The following PDE4B variants were observed in gnomAD, a reference collection of about 807,000 sequenced individuals.
The protein encoded by PDE4B is 3',5'-cyclic-AMP phosphodiesterase 4B.
A neutral mutation model predicts 82.2 loss-of-function variants in PDE4B; 20 were observed. That is an observed-to-expected ratio of 0.24 (90% CI 0.17 to 0.35). The LOEUF (loss-of-function observed/expected upper bound fraction) is 0.35, where lower values mean the gene tolerates loss of function less well. Among genes scored for constraint, PDE4B ranks in the 10% least tolerant of loss-of-function variants. The pLI is 1.00. For synonymous variants in PDE4B, 320 were observed against 318.9 expected (o/e 1.00, Z -0.04); for missense variants, 655 against 907.2 (o/e 0.72, Z 3.57).
At chr1:66,214,339 T>A (rs557104651) in intron 3 of PDE4B, among the ~76,000 whole-genome samples, 2 of 152,118 alleles carry the variant, frequency 1.3e-5, no homozygotes, top group African/African-American at 4.8e-5. Context: ...CCTTCTGGCT[T>A]TTTTTTCCCT....
chr1:66,364,020 G>A (rs552536914), intron 12 of PDE4B, among the ~76,000 whole-genome samples: 1 of 152,120 alleles, frequency 6.6e-6, no homozygotes, highest in African/African-American at 2.4e-5. Flanking sequence ...GAATTTCAGG[G>A]CAGGAATCAT....
chr1:66,132,548 C>G (rs775784153), intron 3 of PDE4B, among the ~76,000 whole-genome samples: 2 of 152,068 alleles, frequency 1.3e-5, no homozygotes, highest in Non-Finnish European at 2.9e-5. Context: ...GTTGTTGGTG[C>G]TATAAAGGCC....
At chr1:66,155,072 T>A (rs1646476027) in intron 3 of PDE4B, among the ~76,000 whole-genome samples, 1 of 152,070 alleles carries the variant, frequency 6.6e-6, no homozygotes, top group Non-Finnish European at 1.5e-5. Context: ...GAGTCTGCAG[T>A]GAGCTCTGAT....
chr1:65,912,504 A>G (rs1404014008), intron 1 of PDE4B, among the ~76,000 whole-genome samples: 1 of 145,356 alleles, frequency 6.9e-6, no homozygotes, highest in African/African-American at 2.6e-5. Context: ...TGTTTCTGCA[A>G]TGACTTCCAG....
intron 3 of PDE4B, among the ~76,000 whole-genome samples, chr1:66,148,200 G>C (rs541125283): frequency 3.9e-4 from 59 of 152,226 alleles, no homozygotes; most frequent in African/African-American, 1.4e-3. Context: ...AACCTGAGAG[G>C]CAGTGGTTGC....
intron 1 of PDE4B, among the ~76,000 whole-genome samples, chr1:65,848,708 G>A (rs1646295540): frequency 6.6e-6 from 1 of 152,062 alleles, no homozygotes; most frequent in African/African-American, 2.4e-5. Context: ...GTTGTTTCAT[G>A]TACTAATAGT....
chr1:66,346,101 A>T (rs1661375995), intron 8 of PDE4B, among the ~76,000 whole-genome samples: 1 of 152,162 alleles, frequency 6.6e-6, no homozygotes, highest in African/African-American at 2.4e-5. Context: ...TTATGAGCAC[A>T]TGTGTTTGTA....
intron 3 of PDE4B, among the ~76,000 whole-genome samples, chr1:65,946,323 G>T (rs747122020): frequency 1.3e-5 from 2 of 151,880 alleles, no homozygotes; most frequent in Non-Finnish European, 2.9e-5. Context: ...TGGATCTATT[G>T]GTATCTGTGG....
chr1:65,895,549 C>CAAAA (rs10605148), intron 1 of PDE4B, among the ~76,000 whole-genome samples: 3 of 91,994 alleles, frequency 3.3e-5, no homozygotes, highest in Admixed American at 2.4e-4. Flanking sequence ...GACACTGTCT[C>CAAAA]AAAAAAAAAA....
At chr1:65,883,973 G>A (rs536473632) in intron 1 of PDE4B, among the ~76,000 whole-genome samples, 14 of 152,136 alleles carry the variant, frequency 9.2e-5, no homozygotes, top group African/African-American at 3.1e-4. Flanking sequence ...TGATGTGCGT[G>A]TGTTGAACCA....
chr1:65,874,654 T>C lies in PDE4B; in HGVS notation c.-70-38591T>C, dbSNP rs1364050060. ...AGAAATAACGCCGCATACCTACAACTATCTGATCTTTGACAAACCTGAGAA... is the reference window on the plus strand; with the variant it reads ...AGAAATAACGCCGCATACCTACAACCATCTGATCTTTGACAAACCTGAGAA... On this transcript the variant is annotated intron_variant, in intron 1 of 16. Coordinates refer to ENST00000341517, the MANE Select transcript of PDE4B (RefSeq NM_002600.4). Among the ~76,000 whole-genome samples, 3 of 151,860 alleles carry C rather than the reference T, an allele frequency of 2.0e-5. 1 individual carries two copies. The highest frequency in any genetic ancestry group is 4.4e-5 in the Non-Finnish European group (3 of 67,954).
chr1:65,920,613 T>A (rs985775356), intron 3 of PDE4B, among the ~76,000 whole-genome samples: 1 of 152,224 alleles, frequency 6.6e-6, no homozygotes, highest in African/African-American at 2.4e-5. Flanking sequence ...ATTGTGAGGA[T>A]TAAATGATGT....
intron 3 of PDE4B, among the ~76,000 whole-genome samples, chr1:66,032,073 T>A (rs1017260841): frequency 6.6e-6 from 1 of 152,204 alleles, no homozygotes; most frequent in Admixed American, 6.5e-5. Context: ...AACCTCACCA[T>A]CAACTAGGCT....
At chr1:66,316,018 C>G (rs1659002471) in intron 7 of PDE4B, among the ~76,000 whole-genome samples, 1 of 152,222 alleles carries the variant, frequency 6.6e-6, no homozygotes, top group African/African-American at 2.4e-5. Context: ...TGCTGGCTAC[C>G]TAGCCTATTC....
At chr1:66,002,737 G>A (rs1165337520) in intron 3 of PDE4B, among the ~76,000 whole-genome samples, 1 of 151,974 alleles carries the variant, frequency 6.6e-6, no homozygotes, top group Non-Finnish European at 1.5e-5. Flanking sequence ...GCTAGGTTGG[G>A]TATCAGTATT....
At chr1:65,823,563 A>G (rs1036283788) in intron 1 of PDE4B, among the ~76,000 whole-genome samples, 8 of 151,882 alleles carry the variant, frequency 5.3e-5, no homozygotes, top group Non-Finnish European at 1.0e-4. Context: ...ATCTGTTTGC[A>G]GTACTCTTTT....
chr1:66,110,013 T>C (rs1030890920), intron 3 of PDE4B, among the ~76,000 whole-genome samples: 2 of 151,936 alleles, frequency 1.3e-5, no homozygotes, highest in African/African-American at 2.4e-5. Context: ...ATGTAATTAA[T>C]TGTCAAAACT....
intron 3 of PDE4B, among the ~76,000 whole-genome samples, chr1:65,928,599 A>G (rs1647652972): frequency 6.6e-6 from 1 of 152,184 alleles, no homozygotes; most frequent in Non-Finnish European, 1.5e-5. Flanking sequence ...TGACATACAG[A>G]GAAGAGCAAT....
chr1:65,892,485 A>T (rs183670346), intron 1 of PDE4B, among the ~76,000 whole-genome samples: 1 of 152,218 alleles, frequency 6.6e-6, no homozygotes, highest in East Asian at 1.9e-4. Flanking sequence ...GAAAGTCATG[A>T]TGTCTTCAGC....
Sources: allele counts gnomAD v4.1 joint callset (sites outside exome capture counted in the v4.1 genomes callset), GRCh38; gene constraint gnomAD v4.1.1; transcripts MANE v1.5; gene names NCBI Gene and HGNC (gene_info 2026-07-23, HGNC 2026-07-21).